NSD1: variants seen among roughly 807,000 people sequenced by gnomAD.
NSD1 encodes the protein histone-lysine N-methyltransferase, H3 lysine-36 specific.
Under a neutral mutation model 242.7 loss-of-function variants are expected in NSD1, and 26 were observed. That is an observed-to-expected ratio of 0.11 (90% CI 0.08 to 0.15). The LOEUF (loss-of-function observed/expected upper bound fraction) is 0.15, where lower values mean the gene tolerates loss of function less well. Among genes scored for constraint, NSD1 ranks in the 10% least tolerant of loss-of-function variants. NSD1 has a pLI of 1.00. For missense variants in NSD1, 2,495 were observed against 3,272.8 expected, an observed-to-expected ratio of 0.76 and a Z score of 5.80; for synonymous variants, 1,106 against 1,178.1, an observed-to-expected ratio of 0.94 and a Z score of 1.25.
At position 177,211,596 on chromosome 5, in the gene NSD1, C is replaced by G; in HGVS notation, c.3197C>G (p.Ala1066Gly). The change falls in exon 5 of 23, where the codon GCT becomes GGT. Residue 1066 changes from alanine to glycine, a missense_variant. Ala to Gly is a moderately conservative substitution (Grantham distance 60, BLOSUM62 0). Transcript: ENST00000439151. ...CAGCTTCCAAGTGTGACTCTTGATG[C>G]TGTACTGCAGGGAGACCGAGAACGT... Reference protein sequence around the residue: ...LNQLPSVTLDAVLQGDRERGG... With the variant: ...LNQLPSVTLDGVLQGDRERGG... 1 of 1,614,100 alleles carries G rather than the reference C, an allele frequency of 6.2e-7. No homozygotes were observed. Among genetic ancestry groups the G allele is most frequent in the Non-Finnish European group, 8.5e-7 (1 of 1,180,022 alleles).
intron 2 of NSD1, among the ~76,000 whole-genome samples, chr5:177,178,334 C>G (rs181766098): frequency 2.0e-5 from 3 of 152,132 alleles, no homozygotes; most frequent in Non-Finnish European, 2.9e-5. Flanking sequence ...TCAAGTGATT[C>G]TCCTGCCTCA....
intron 2 of NSD1, among the ~76,000 whole-genome samples, chr5:177,164,603 T>C (rs1207361622): frequency 6.6e-6 from 1 of 152,160 alleles, no homozygotes; most frequent in African/African-American, 2.4e-5. Context: ...GAATGCTTCA[T>C]TCAAAAAATA....
intron 2 of NSD1, among the ~76,000 whole-genome samples, chr5:177,159,191 C>T (rs954250088): frequency 1.3e-4 from 19 of 150,430 alleles, no homozygotes; most frequent in African/African-American, 3.9e-4. Context: ...TACAGGCACT[C>T]GCCACCATGC....
chr5:177,181,518 C>A lies in NSD1; in HGVS notation c.928-10366C>A, dbSNP rs961550396. Among the ~76,000 whole-genome samples the A allele has an allele frequency of 3.4e-5, 5 of 148,016 alleles. No individual in the cohort carries two copies. The South Asian group carries it at 8.7e-4, about 26-fold the overall frequency. ...TCATCTCACTGCAACCTCCAACTCG[C>A]GGGTTCAAGTGATTCTCCTGCCTCA... On this transcript the variant is annotated intron_variant, in intron 2 of 22. Transcript: ENST00000439151.
chr5:177,180,241 C>T (rs150226466), intron 2 of NSD1, among the ~76,000 whole-genome samples: 2,776 of 152,178 alleles, frequency 0.018, 33 homozygotes, highest in Non-Finnish European at 0.028. Flanking sequence ...ATTACAGGCA[C>T]ATGCCACCAC....
intron 2 of NSD1, among the ~76,000 whole-genome samples, chr5:177,178,925 G>T (rs1382144613): frequency 6.6e-6 from 1 of 152,150 alleles, no homozygotes; most frequent in Non-Finnish European, 1.5e-5. Flanking sequence ...GTAAAAAGAG[G>T]TATGCACAAG....
chr5:177,247,625 T>G (rs570192721), intron 10 of NSD1, among the ~76,000 whole-genome samples: 37 of 152,238 alleles, frequency 2.4e-4, no homozygotes, highest in African/African-American at 8.4e-4. Context: ...ACTTGCTTAT[T>G]TCTTGAGACC....
Position 177,246,730 on chromosome 5 carries a change from T to A in NSD1, c.4431T>A (p.Ala1477=), listed in dbSNP as rs756168497. 1 of 1,614,176 alleles carries A rather than the reference T, an allele frequency of 6.2e-7. No homozygotes were observed. The highest frequency in any genetic ancestry group is 8.5e-7 in the Non-Finnish European group (1 of 1,180,014). The change falls in exon 10 of 23, where the codon GCT becomes GCA. Residue 1477 remains alanine (A), a synonymous_variant. Coordinates refer to ENST00000439151, the MANE Select transcript of NSD1 (RefSeq NM_022455.5). ...KPRKRKRQRH[A]AAKMQCKKVK... Reference sequence around the variant, plus strand: ...GGAAGCGAAAACGACAGAGGCATGCTGCAGCCAAGATGCAGTGTAAAAAAG... The same window carrying A: ...GGAAGCGAAAACGACAGAGGCATGCAGCAGCCAAGATGCAGTGTAAAAAAG...
intron 2 of NSD1, among the ~76,000 whole-genome samples, chr5:177,154,076 C>T (rs780437548): frequency 1.6e-4 from 24 of 151,996 alleles, no homozygotes; most frequent in Non-Finnish European, 2.5e-4. Flanking sequence ...CTGTAGGATC[C>T]CTGTCCAAGA....
At chr5:177,137,088 A>G in intron 2 of NSD1, 1 of 412,608 alleles carries the variant, frequency 2.4e-6, no homozygotes, top group South Asian at 8.7e-5. Context: ...GATAAATGAT[A>G]ACATTTGTTT....
intron 8 of NSD1, among the ~76,000 whole-genome samples, chr5:177,242,047 T>C (rs1045404946): frequency 1.3e-5 from 2 of 152,158 alleles, no homozygotes; most frequent in African/African-American, 4.8e-5. Flanking sequence ...CAGAATAGTT[T>C]GATTTTTATT....
intron 2 of NSD1, among the ~76,000 whole-genome samples, chr5:177,184,974 G>T (rs1760985001): frequency 6.6e-6 from 1 of 152,250 alleles, no homozygotes; most frequent in South Asian, 2.1e-4. Context: ...CTAAACGGAT[G>T]TGTTTTTGTC....
intron 2 of NSD1, among the ~76,000 whole-genome samples, chr5:177,168,450 CTT>C (rs916381661): frequency 3.1e-5 from 4 of 130,218 alleles, no homozygotes; most frequent in Non-Finnish European, 3.3e-5. Flanking sequence ...TTGTTCATTG[CTT>C]TTTTTTTTTT....
intron 17 of NSD1, among the ~76,000 whole-genome samples, chr5:177,274,728 T>TGTGTG (rs773660583): frequency 6.7e-6 from 1 of 149,510 alleles, no homozygotes; most frequent in South Asian, 2.1e-4. Flanking sequence ...TGTGTGTGTG[T>TGTGTG]TGTTTTTTTG....
At chr5:177,231,948 T>C (rs1004474614) in intron 5 of NSD1, among the ~76,000 whole-genome samples, 2 of 152,108 alleles carry the variant, frequency 1.3e-5, no homozygotes, top group Admixed American at 1.3e-4. Flanking sequence ...CATTCAGGCT[T>C]GAGTGTGGTG....
intron 2 of NSD1, among the ~76,000 whole-genome samples, chr5:177,157,237 A>G (rs553225131): frequency 2.7e-4 from 41 of 151,854 alleles, no homozygotes; most frequent in Non-Finnish European, 5.3e-4. Context: ...GTGGTGGCGC[A>G]TGGCTGTAAT....
In NSD1 at chr5:177,135,290, C is replaced by G; in HGVS notation, c.187C>G (p.Gln63Glu). The stretch of plus-strand genomic sequence containing the variant: ...TGGAACATCCCAAAATGCTTATGGA[C>G]AAGATTCTCCATCTTGTTACATTCC... The part of the protein sequence containing the change: ...VSGTSQNAYG[Q>E]DSPSCYIPLR... Residue 63 changes from glutamine to glutamate, a missense_variant, in exon 2 of 23, where the codon CAA (glutamine) becomes GAA (glutamate). Transcript: ENST00000439151. 1.2e-6 allele frequency: 2 copies of G among 1,613,568 alleles called. No individual in the cohort carries two copies. Among genetic ancestry groups the G allele is most frequent in the South Asian group, 1.1e-5 (1 of 91,076 alleles).
intron 5 of NSD1, among the ~76,000 whole-genome samples, chr5:177,212,477 CTCTCTCTCTCTT>C (rs1763428925): frequency 8.2e-6 from 1 of 122,654 alleles, no homozygotes; most frequent in Non-Finnish European, 1.6e-5. Context: ...CTCTCTCTTT[CTCTCTCTCTCTT>C]TTTTTTTTTT....
rs953431860 is a variant in NSD1, at chr5:177,134,821, T to G, written c.-17-266T>G. ...ACGGGCAGAGGGGTTTTAATTTTAGTTCATCCCAAGTGTCCACCAGTCTAC... is the reference window on the plus strand; with the variant it reads ...ACGGGCAGAGGGGTTTTAATTTTAGGTCATCCCAAGTGTCCACCAGTCTAC... On this transcript the variant is annotated intron_variant, in intron 1 of 22. Coordinates refer to ENST00000439151, the MANE Select transcript of NSD1 (RefSeq NM_022455.5). The surrounding 1 kb of genome is among the most constrained non-coding windows in gnomAD (Gnocchi z 4.2). 6.6e-6 allele frequency among the ~76,000 whole-genome samples: 1 copy of G among 152,186 alleles called. No homozygotes were observed. The highest frequency in any genetic ancestry group is 6.5e-5 in the Admixed American group (1 of 15,274).
Sources: allele counts gnomAD v4.1 joint callset (sites outside exome capture counted in the v4.1 genomes callset), GRCh38; gene constraint gnomAD v4.1.1; non-coding constraint Gnocchi (gnomAD v3.1); transcripts MANE v1.5; gene names NCBI Gene and HGNC (gene_info 2026-07-23, HGNC 2026-07-21).